ST8SIA5: variants seen among roughly 807,000 people sequenced by gnomAD.
The protein encoded by ST8SIA5 is ST8 alpha-N-acetyl-neuraminide alpha-2,8-sialyltransferase 5.
ST8SIA5 carries 24 observed loss-of-function variants against 40.2 expected under a neutral mutation model. That is an observed-to-expected ratio of 0.60 (90% confidence interval 0.43 to 0.84). ST8SIA5 has a LOEUF of 0.84. ST8SIA5 is among the 40% of genes least tolerant of loss of function. The pLI, the probability that ST8SIA5 is intolerant of heterozygous loss-of-function variation, is 0.00. For synonymous variants in ST8SIA5, 198 were observed against 201.8 expected (o/e 0.98, Z 0.16); for missense variants, 465 against 498.5 (o/e 0.93, Z 0.64).
intron 2 of ST8SIA5, among the ~76,000 whole-genome samples, chr18:46,695,807 T>C (rs2039551892): frequency 1.3e-5 from 2 of 152,244 alleles, no homozygotes; most frequent in Admixed American, 1.3e-4. Context: ...AGTTAATGAA[T>C]TAATTGAAAC....
rs929274133 is a variant in ST8SIA5, at chr18:46,668,804, G to A, written c.*11238C>T. ...GCCCCATAAAGTGATCTTGAGCAGA[G>A]GGACTTGCCCAGAAGCTAGCCACAG... On this transcript the variant is annotated 3_prime_UTR_variant, in exon 7 of 7. Transcript: ENST00000315087. The A allele has an allele frequency of 6.6e-6, 1 of 152,258 alleles. No individual in the cohort carries two copies. The highest frequency in any genetic ancestry group is 2.4e-5 in the African/African-American group (1 of 41,448). 9.4% of individuals were successfully genotyped at this position (152,258 alleles called of 1,614,324 possible).
intron 1 of ST8SIA5, among the ~76,000 whole-genome samples, chr18:46,707,677 A>G (rs944912272): frequency 6.6e-6 from 1 of 152,120 alleles, no homozygotes; most frequent in East Asian, 1.9e-4. Context: ...TCTACAATTC[A>G]TATGTTGAGA....
At chr18:46,690,289 AC>A (rs1014770945) in intron 3 of ST8SIA5, among the ~76,000 whole-genome samples, 5 of 152,142 alleles carry the variant, frequency 3.3e-5, no homozygotes, top group African/African-American at 1.2e-4. Context: ...GCCTTCTAGC[AC>A]CCACCTGACA....
At chr18:46,721,857 C>A (rs559111377) in intron 1 of ST8SIA5, among the ~76,000 whole-genome samples, 1 of 152,232 alleles carries the variant, frequency 6.6e-6, no homozygotes, top group African/African-American at 2.4e-5. Context: ...AAAAGCCAGA[C>A]ACACTTCAGA....
At position 46,694,184 on chromosome 18, in the gene ST8SIA5, C is replaced by T. The variant is rs767051698; in HGVS notation, c.225-1929G>A. 1.8e-4 allele frequency among the ~76,000 whole-genome samples: 28 copies of T among 152,332 alleles called. 1 individual carries two copies. The highest frequency in any genetic ancestry group is 2.9e-4 in the Non-Finnish European group (20 of 68,034). On this transcript the variant is annotated intron_variant, in intron 2 of 6. Transcript: ENST00000315087. Reference sequence around the variant, plus strand: ...GACACATTATACAATTGGGCGAGCCCTTCCTGATGAACTCCAGATCTTTGG... The same window carrying T: ...GACACATTATACAATTGGGCGAGCCTTTCCTGATGAACTCCAGATCTTTGG...
chr18:46,690,396 C>G lies in ST8SIA5; in HGVS notation c.312-1477G>C, dbSNP rs146398420. ...AGAGCAAAGGGAGGCAATGACCAGC[C>G]TGGAAGGTTTTCTCACTTAGAGCAT... On this transcript the variant is annotated intron_variant, in intron 3 of 6. Transcript: ENST00000315087. Among the ~76,000 whole-genome samples the G allele has an allele frequency of 1.3e-3, 195 of 152,230 alleles. 1 individual carries two copies. The highest frequency in any genetic ancestry group is 2.4e-3 in the Non-Finnish European group (164 of 68,022).
At chr18:46,691,961 G>C (rs2039509787) in intron 3 of ST8SIA5, 1 of 587,696 alleles carries the variant, frequency 1.7e-6, no homozygotes, top group African/African-American at 1.9e-5. Context: ...GGGAGAGAAG[G>C]TGGAGGATAG....
intron 1 of ST8SIA5, among the ~76,000 whole-genome samples, chr18:46,724,511 C>CATTT (rs1415878401): frequency 6.6e-6 from 1 of 152,212 alleles, no homozygotes; most frequent in Non-Finnish European, 1.5e-5. Flanking sequence ...TTCATTTATC[C>CATTT]ATTTATTTAT....
intron 1 of ST8SIA5, among the ~76,000 whole-genome samples, chr18:46,734,927 T>C (rs753530385): frequency 3.9e-5 from 6 of 152,204 alleles, no homozygotes; most frequent in Non-Finnish European, 7.3e-5. Flanking sequence ...TGTTCCTGAG[T>C]GTGTCTGTGA....
At chr18:46,718,085 T>C (rs1049017352) in intron 1 of ST8SIA5, among the ~76,000 whole-genome samples, 4 of 152,296 alleles carry the variant, frequency 2.6e-5, no homozygotes, top group Admixed American at 6.5e-5. Flanking sequence ...TCCCAGCACC[T>C]TGGGAGGCTG....
At chr18:46,730,547 G>T (rs989836101) in intron 1 of ST8SIA5, among the ~76,000 whole-genome samples, 6 of 152,154 alleles carry the variant, frequency 3.9e-5, no homozygotes, top group African/African-American at 1.4e-4. Flanking sequence ...ATACATGCTT[G>T]CATTACTTTT....
At chr18:46,691,823 C>T (rs951359046) in intron 3 of ST8SIA5, 6 of 295,882 alleles carry the variant, frequency 2.0e-5, no homozygotes, top group East Asian at 7.6e-5. Context: ...ATAGAGGATG[C>T]GTAATGCACC....
rs1473919270 is a variant in ST8SIA5 at position 46,679,387 on chromosome 18, T to A, written c.*655A>T. 1 of 152,670 alleles carries A rather than the reference T, an allele frequency of 6.6e-6. No individual in the cohort carries two copies. The highest frequency in any genetic ancestry group is 2.4e-5 in the African/African-American group (1 of 41,272). The allele number at this position is 152,670 out of a possible 1,614,324, so 9.5% of individuals were successfully genotyped here. On this transcript the variant is annotated 3_prime_UTR_variant, in exon 7 of 7. Coordinates refer to ENST00000315087, the MANE Select transcript of ST8SIA5 (RefSeq NM_013305.6). ...AGATGATGATGTCTCGACTAAGACA[T>A]AACCCAGGCCTTGGGTTAGATCTCT... is the stretch of plus-strand genomic sequence containing the variant.
Position 46,668,931 on chromosome 18 carries a change from C to A in ST8SIA5, c.*11111G>T, listed in dbSNP as rs1224360765. The A allele has an allele frequency of 6.6e-6, 1 of 152,480 alleles. No individual in the cohort carries two copies. Among genetic ancestry groups the A allele is most frequent in the Non-Finnish European group, 1.5e-5 (1 of 68,232 alleles). 9.4% of individuals were successfully genotyped at this position (152,480 alleles called of 1,614,324 possible). On this transcript the variant is annotated 3_prime_UTR_variant, in exon 7 of 7. Coordinates refer to ENST00000315087, the MANE Select transcript of ST8SIA5 (RefSeq NM_013305.6). ...CACTTGGGACCCCTCCAGCTGCCTCCCACATGGCCAGAGCAGCAGGGGGCC... is the reference window on the plus strand; with the variant it reads ...CACTTGGGACCCCTCCAGCTGCCTCACACATGGCCAGAGCAGCAGGGGGCC...
chr18:46,721,285 G>A, intron 1 of ST8SIA5: 1 of 1,312,766 alleles, frequency 7.6e-7, no homozygotes, highest in South Asian at 1.3e-5. Context: ...CCTAGGAAGT[G>A]GACAATGTGG....
chr18:46,715,228 G>A (rs2039775237), intron 1 of ST8SIA5, among the ~76,000 whole-genome samples: 1 of 152,210 alleles, frequency 6.6e-6, no homozygotes, highest in Admixed American at 6.5e-5. Flanking sequence ...GAAGGCTGAA[G>A]TGAGCCAGCT....
chr18:46,721,856 A>T (rs1409058217), intron 1 of ST8SIA5, among the ~76,000 whole-genome samples: 1 of 152,238 alleles, frequency 6.6e-6, no homozygotes, highest in Non-Finnish European at 1.5e-5. Context: ...CAAAAGCCAG[A>T]CACACTTCAG....
chr18:46,706,892 G>C (rs4890685), intron 1 of ST8SIA5, among the ~76,000 whole-genome samples: 2 of 152,108 alleles, frequency 1.3e-5, no homozygotes, highest in East Asian at 1.9e-4. Flanking sequence ...CAGCTTTCAC[G>C]GTGGCCCCAT....
intron 5 of ST8SIA5, among the ~76,000 whole-genome samples, chr18:46,683,113 C>T (rs904021014): frequency 2.6e-5 from 4 of 152,086 alleles, no homozygotes; most frequent in African/African-American, 9.7e-5. Context: ...GGTACATCTA[C>T]ATATGACAAA....
Sources: gnomAD v4.1 joint callset for allele counts (sites outside exome capture counted in the v4.1 genomes callset) on GRCh38, gnomAD v4.1.1 for gene constraint, MANE v1.5 for transcripts, NCBI Gene and HGNC (gene_info 2026-07-23, HGNC 2026-07-21) for gene names.